Variants in PTPRO observed in about 807,000 individuals in gnomAD.
PTPRO encodes receptor-type tyrosine-protein phosphatase O.
In PTPRO, 62 loss-of-function variants were observed where a neutral mutation model predicts 145.2. The observed-to-expected ratio is 0.43, with a 90% CI of 0.35 to 0.53. The LOEUF (loss-of-function observed/expected upper bound fraction) is 0.53, where lower values mean the gene tolerates loss of function less well. PTPRO is among the 20% of genes least tolerant of loss of function. The pLI, the probability that PTPRO is intolerant of heterozygous loss-of-function variation, is 0.01. For synonymous variants in PTPRO, 565 were observed against 514.7 expected, an observed-to-expected ratio of 1.10 and a Z score of -1.32; for missense variants, 1,345 against 1,482.7, an observed-to-expected ratio of 0.91 and a Z score of 1.53.
rs1188315894 is a variant in PTPRO, at chr12:15,497,309, G to A, written c.414G>A (p.Leu138=). 2 of 1,600,466 alleles carry A rather than the reference G, an allele frequency of 1.2e-6. No individual in the cohort carries two copies. Among genetic ancestry groups the A allele is most frequent in the African/African-American group, 1.3e-5 (1 of 74,668 alleles). ...AACCTTCTCCTGAAACAGGAGTCCT[G>A]TTTGAAATACATTATCCAGAAAAAT... The part of the protein sequence containing the change: ...DYKPSPETGV[L]FEIHYPEKYN... The change falls in exon 3 of 27, where the codon CTG becomes CTA. Residue 138 remains leucine, a synonymous_variant. Coordinates refer to ENST00000281171, the MANE Select transcript of PTPRO (RefSeq NM_030667.3).
At chr12:15,474,901 G>A (rs756194055) in intron 1 of PTPRO, among the ~76,000 whole-genome samples, 3 of 152,144 alleles carry the variant, frequency 2.0e-5, no homozygotes, top group African/African-American at 4.8e-5. Context: ...TCTTTTAGGC[G>A]CACTGCCTAG....
At chr12:15,337,644 A>C (rs1229046448) in intron 1 of PTPRO, among the ~76,000 whole-genome samples, 1 of 152,252 alleles carries the variant, frequency 6.6e-6, no homozygotes, top group Non-Finnish European at 1.5e-5. Context: ...ACTTCCTACT[A>C]GCCCAGAACT....
chr12:15,463,524 T>C (rs1347481929), intron 1 of PTPRO, among the ~76,000 whole-genome samples: 1 of 152,188 alleles, frequency 6.6e-6, no homozygotes, highest in East Asian at 1.9e-4. Context: ...ATATTTATAT[T>C]AGTTTCCTTC....
In PTPRO at chr12:15,322,609, C is replaced by T; in HGVS notation, c.-118C>T. 1 of 840,802 alleles carries T rather than the reference C, an allele frequency of 1.2e-6. No individual in the cohort carries two copies. 52.1% of individuals were successfully genotyped at this position (840,802 alleles called of 1,614,324 possible). On this transcript the variant is annotated 5_prime_UTR_variant, in exon 1 of 27. Transcript: ENST00000281171. This position sits in a 1 kb window ranked among gnomAD's most constrained non-coding sequence, Gnocchi z 6.3. The stretch of plus-strand genomic sequence containing the variant: ...GGGGACTGGAAAGGCAGCATGCGCT[C>T]GCCAGGAGCAACCTCGGCGCCCAGG...
rs12228497 is a variant in PTPRO, at chr12:15,419,029, C to T, written c.76-64945C>T. Reference sequence around the variant, plus strand: ...AATGTAAAATTTAGAGCATTACTAACGCATATTAAATGCTAGATCAGTCTT... The same window carrying T: ...AATGTAAAATTTAGAGCATTACTAATGCATATTAAATGCTAGATCAGTCTT... On this transcript the variant is annotated intron_variant, in intron 1 of 26. Transcript: ENST00000281171. 0.013 allele frequency among the ~76,000 whole-genome samples: 1,941 copies of T among 151,520 alleles called. 145 individuals carry two copies. In the East Asian group the frequency reaches 0.19, roughly 14 times the overall value.
chr12:15,519,182 A>G (rs1053471656), intron 9 of PTPRO, among the ~76,000 whole-genome samples: 10 of 152,188 alleles, frequency 6.6e-5, no homozygotes, highest in Non-Finnish European at 1.5e-4. Flanking sequence ...GCACCAAGCA[A>G]GAGAGCTTGT....
chr12:15,499,642 A>G (rs1314417815), intron 4 of PTPRO, 48 bp downstream of exon 4: 4 of 1,564,032 alleles, frequency 2.6e-6, no homozygotes, highest in Non-Finnish European at 3.5e-6. Context: ...ATTCAGTTAT[A>G]TTTTGCTGTA....
Position 15,551,533 on chromosome 12 carries a change from C to T in PTPRO, c.2438-18C>T, listed in dbSNP as rs1283527264. ...TGTAAGAGAACCTATGATGAAAATG[C>T]ACAACTTATCTCTTTAGTTACAGAG... On this transcript the variant is annotated intron_variant, in intron 14 of 26. Transcript: ENST00000281171. 1 of 1,612,086 alleles carries T rather than the reference C, an allele frequency of 6.2e-7. No individual in the cohort carries two copies.
At position 15,429,145 on chromosome 12, in the gene PTPRO, T is replaced by A. The variant is rs1457537; in HGVS notation, c.76-54829T>A. On this transcript the variant is annotated intron_variant, in intron 1 of 26. Transcript: ENST00000281171. ...AACAGGGCAGTGTTTGTAGAATCTC[T>A]TGAAGCTCATCCATTCCAAAGACAT... Among the ~76,000 whole-genome samples the A allele has an allele frequency of 1.8e-3, 276 of 152,048 alleles. 1 individual carries two copies. Among genetic ancestry groups the A allele is most frequent in the South Asian group, 8.5e-3 (41 of 4,820 alleles).
At chr12:15,509,783 G>A (rs1942401130) in intron 7 of PTPRO, among the ~76,000 whole-genome samples, 1 of 152,110 alleles carries the variant, frequency 6.6e-6, no homozygotes, top group African/African-American at 2.4e-5. Context: ...GGAGACAGCT[G>A]TGCACAGAGG....
At chr12:15,583,075 C>G (rs7304794) in intron 23 of PTPRO, among the ~76,000 whole-genome samples, 5,954 of 152,244 alleles carry the variant, frequency 0.039, 362 homozygotes, top group African/African-American at 0.13. Context: ...TGCTTAGAAA[C>G]AATCCTTTCT....
chr12:15,539,936 TG>T (rs769789168), intron 12 of PTPRO, among the ~76,000 whole-genome samples: 37 of 151,702 alleles, frequency 2.4e-4, no homozygotes, highest in Non-Finnish European at 4.0e-4. Context: ...TTTTATTTCC[TG>T]GTTTTTTTTT....
chr12:15,550,172 A>G (rs1943417151), intron 14 of PTPRO, among the ~76,000 whole-genome samples: 1 of 152,214 alleles, frequency 6.6e-6, no homozygotes, highest in Admixed American at 6.5e-5. Flanking sequence ...CCAATGATAT[A>G]GACAGTTGAT....
At chr12:15,408,592 T>G (rs984023771) in intron 1 of PTPRO, among the ~76,000 whole-genome samples, 7 of 152,138 alleles carry the variant, frequency 4.6e-5, no homozygotes, top group Non-Finnish European at 8.8e-5. Flanking sequence ...CACGCTTGGC[T>G]AATTTTTGTA....
chr12:15,395,696 T>C (rs1939317993), intron 1 of PTPRO, among the ~76,000 whole-genome samples: 1 of 152,110 alleles, frequency 6.6e-6, no homozygotes, highest in African/African-American at 2.4e-5. Flanking sequence ...TAGTCACAAT[T>C]ACCTGGCCTA....
At chr12:15,551,780 A>G (rs1485800374) in intron 15 of PTPRO, 109 bp downstream of exon 15, 10 of 1,200,786 alleles carry the variant, frequency 8.3e-6, no homozygotes, top group Admixed American at 4.0e-5. Context: ...ATTGGATTTT[A>G]GTTTTCAGTG....
Position 15,371,937 on chromosome 12 carries a change from T to C in PTPRO, c.75+49136T>C, listed in dbSNP as rs113801408. ...CCTTCTGCTGTGATCGTAAGTTTCC[T>C]GAGGCCTCTCCAGTCATGCTGAACT... On this transcript the variant is annotated intron_variant, in intron 1 of 26. Transcript: ENST00000281171. Among the ~76,000 whole-genome samples the C allele has an allele frequency of 2.6e-5, 4 of 152,324 alleles. 1 individual carries two copies. Among genetic ancestry groups the C allele is most frequent in the African/African-American group, 9.6e-5 (4 of 41,570 alleles).
At chr12:15,594,400 A>G (rs1434102335) in intron 25 of PTPRO, among the ~76,000 whole-genome samples, 2 of 151,644 alleles carry the variant, frequency 1.3e-5, no homozygotes, top group Non-Finnish European at 2.9e-5. Context: ...TTCCTTTAGC[A>G]TTAATAATGA....
At position 15,497,271 on chromosome 12, in the gene PTPRO, A is replaced by T; in HGVS notation, c.376A>T (p.Ile126Leu). The change falls in exon 3 of 27, where the codon ATA becomes TTA. Residue 126 changes from isoleucine (I) to leucine (L), a missense_variant. This residue lies in a region of PTPRO where 1,130 missense variants were observed against 1,214.7 expected (regional missense o/e 0.93). Transcript: ENST00000281171. ...TKPLPVTSVS[I>L]YDYKPSPETG... ...ACCTCTACCTGTAACCAGTGTTTCCATATATGACTATAAACCTTCTCCTGA... is the reference window on the plus strand; with the variant it reads ...ACCTCTACCTGTAACCAGTGTTTCCTTATATGACTATAAACCTTCTCCTGA... 1.3e-6 allele frequency: 2 copies of T among 1,579,126 alleles called. No individual in the cohort carries two copies. The highest frequency in any genetic ancestry group is 1.7e-6 in the Non-Finnish European group (2 of 1,148,604).
Sources: gnomAD v4.1 joint callset for allele counts (sites outside exome capture counted in the v4.1 genomes callset) on GRCh38, gnomAD v4.1.1 for gene constraint, gnomAD v4.1.1 regional missense constraint, Gnocchi (gnomAD v3.1) non-coding constraint, MANE v1.5 for transcripts, NCBI Gene and HGNC (gene_info 2026-07-23, HGNC 2026-07-21) for gene names.